The following PCNX2 variants were observed in gnomAD, a reference collection of about 807,000 sequenced individuals.
The protein encoded by PCNX2 is pecanex-like protein 2.
A neutral mutation model predicts 223.8 loss-of-function variants in PCNX2; 168 were observed. The ratio of observed to expected loss-of-function variants is 0.75; its 90% CI spans 0.66 to 0.85. The LOEUF (loss-of-function observed/expected upper bound fraction) is 0.85. Ranked by LOEUF, PCNX2 falls within the 40% of genes least tolerant of loss-of-function variation. The pLI, the probability that PCNX2 is intolerant of heterozygous loss-of-function variation, is 0.00. For synonymous variants in PCNX2, 1,006 were observed against 1,052.6 expected, an observed-to-expected ratio of 0.96 and a Z score of 0.86; for missense variants, 2,507 against 2,675.5, an observed-to-expected ratio of 0.94 and a Z score of 1.39.
chr1:232,986,501 G>A lies in PCNX2; in HGVS notation c.5831C>T (p.Ser1944Leu). ...CATGGGCGGCCTTTGGCTTAGCGCT[G>A]AGTGTGCCTGCACGGACTGGCTCCT... ...KGRSQSVQAHSALSQRPPMLS... is the reference protein window; with the variant it reads ...KGRSQSVQAHLALSQRPPMLS... Residue 1944 changes from serine to leucine, a missense_variant, in exon 33 of 34, where the codon TCA becomes TTA. Ser to Leu is a moderately radical substitution (Grantham distance 145, BLOSUM62 -2). Around this residue, in one of 3 missense-constraint regions of PCNX2, gnomAD observed 1,372 missense variants for 1,509.4 expected, o/e 0.91. Transcript: ENST00000258229. 1 of 1,576,696 alleles carries A rather than the reference G, an allele frequency of 6.3e-7. No individual in the cohort carries two copies. Among genetic ancestry groups the A allele is most frequent in the Non-Finnish European group, 8.6e-7 (1 of 1,159,304 alleles).
chr1:233,014,902 T>A (rs1019445363), intron 27 of PCNX2, 125 bp from the exon 28 acceptor site: 1 of 617,156 alleles, frequency 1.6e-6, no homozygotes, highest in South Asian at 2.2e-5. Flanking sequence ...CCCTCTAAGA[T>A]GACCCCACAG....
In PCNX2 at chr1:233,262,968, T is replaced by C; in HGVS notation, c.349A>G (p.Arg117Gly). 1 of 1,613,064 alleles carries C rather than the reference T, an allele frequency of 6.2e-7. No homozygotes were observed. The highest frequency in any genetic ancestry group is 8.5e-7 in the Non-Finnish European group (1 of 1,179,410). Residue 117 changes from arginine to glycine, a missense_variant, in exon 2 of 34, where the codon AGA (arginine) becomes GGA (glycine). Arg to Gly is a moderately radical substitution (Grantham distance 125). Transcript: ENST00000258229. The part of the protein sequence containing the change: ...EAKGEHITNH[R>G]NPSNNRQIHN... ...AATTGAAAATATTACCTTGGATTTC[T>C]GTGATTAGTTATGTGTTCACCTTTG...
intron 21 of PCNX2, among the ~76,000 whole-genome samples, chr1:233,129,916 C>T (rs1469018706): frequency 6.6e-6 from 1 of 152,184 alleles, no homozygotes. Flanking sequence ...GTACTGAGAG[C>T]TTTGTTCTTT....
chr1:233,292,120 A>G, intron 1 of PCNX2: 1 of 807,888 alleles, frequency 1.2e-6, no homozygotes, highest in Non-Finnish European at 1.5e-6. Flanking sequence ...AATAATTAAT[A>G]ATAAAAATAT....
intron 23 of PCNX2, among the ~76,000 whole-genome samples, chr1:233,068,252 A>G (rs1227459767): frequency 2.6e-5 from 4 of 152,202 alleles, no homozygotes; most frequent in African/African-American, 7.2e-5. Flanking sequence ...ATTTCATTCC[A>G]AGGCATTCTC....
At position 233,295,257 on chromosome 1, in the gene PCNX2, G is replaced by C; in HGVS notation, c.153+69C>G. 3 of 1,545,788 alleles carry C rather than the reference G, an allele frequency of 1.9e-6. No individual in the cohort carries two copies. The highest frequency in any genetic ancestry group is 2.6e-6 in the Non-Finnish European group (3 of 1,142,052). ...CGAAAGCCCGTGAGGCTGATGGCAC[G>C]TCTGTGGTTCCTTTCTCCTTCTTCC... On this transcript the variant is annotated intron_variant, in intron 1 of 33. Coordinates refer to ENST00000258229, the MANE Select transcript of PCNX2 (RefSeq NM_014801.4). This position sits in a 1 kb window ranked among gnomAD's most constrained non-coding sequence, Gnocchi z 4.1.
intron 15 of PCNX2, among the ~76,000 whole-genome samples, chr1:233,197,844 G>A (rs997900062): frequency 4.6e-5 from 7 of 151,976 alleles, no homozygotes; most frequent in Non-Finnish European, 7.4e-5. Flanking sequence ...GAAATGTTAC[G>A]TGATTTATAT....
At chr1:233,314,545 A>G in the PCNX2 span, among the ~76,000 whole-genome samples, 1 of 152,206 alleles carries the variant, frequency 6.6e-6, no homozygotes, top group African/African-American at 2.4e-5. Context: ...TTAACAGCTA[A>G]GAGAATATTA....
At chr1:233,129,344 G>C (rs569086933) in intron 21 of PCNX2, among the ~76,000 whole-genome samples, 1 of 152,118 alleles carries the variant, frequency 6.6e-6, no homozygotes, top group African/African-American at 2.4e-5. Context: ...GCCTCCCCAC[G>C]GGGCAGGGCT....
intron 24 of PCNX2, 31 bp from the exon 25 acceptor site, chr1:233,054,514 A>G (rs529468930): frequency 4.5e-6 from 7 of 1,543,634 alleles, no homozygotes; most frequent in Non-Finnish European, 6.3e-6. Flanking sequence ...TGATCAGTGA[A>G]TGCCTACTCC....
Position 233,128,339 on chromosome 1 carries a change from T to G in PCNX2, c.3837+6674A>C, listed in dbSNP as rs192092447. On this transcript the variant is annotated intron_variant, in intron 21 of 33. Transcript: ENST00000258229. ...AAAACAATGTTTTTTTTTTGTTTTG[T>G]TTTGGTTTTTTTTGAGACAGAGTCG... 1.2e-4 allele frequency among the ~76,000 whole-genome samples: 19 copies of G among 152,064 alleles called. No homozygotes were observed. In the East Asian group the frequency reaches 2.3e-3, roughly 19 times the overall value.
Position 233,206,453 on chromosome 1 carries a change from C to T in PCNX2, c.2863+2065G>A, listed in dbSNP as rs910664095. On this transcript the variant is annotated intron_variant, in intron 13 of 33. Transcript: ENST00000258229. ...CAAACTCTGATTTTTTCACTGCAGC[C>T]GACTTAGTGAGGAATATGGGCGCAC... Among the ~76,000 whole-genome samples, 44 of 151,640 alleles carry T rather than the reference C, an allele frequency of 2.9e-4. No individual in the cohort carries two copies. In the East Asian group the frequency reaches 7.0e-3, roughly 24 times the overall value.
intron 21 of PCNX2, among the ~76,000 whole-genome samples, chr1:233,128,324 T>C (rs1008416032): frequency 2.6e-5 from 4 of 151,404 alleles, no homozygotes; most frequent in Non-Finnish European, 5.9e-5. Flanking sequence ...AAAACAATGT[T>C]TTTTTTTTGT....
In PCNX2 at chr1:233,025,146, C is replaced by A; in HGVS notation, c.4605G>T (p.Lys1535Asn). ...AGGTGTTTGGGAAACAGAGCAATAC[C>A]TTGATGTAGTAGCGGATGAGGATCC... ...LRRILIRYYIKSIIYYMVTSP... is the reference protein window; with the variant it reads ...LRRILIRYYINSIIYYMVTSP... The change falls in exon 26 of 34, where the codon AAG (lysine) becomes AAT (asparagine). Residue 1535 changes from lysine (K) to asparagine (N), a missense_variant and splice_region_variant. Physicochemically the swap from Lys to Asn is moderately conservative, Grantham distance 94. Coordinates refer to ENST00000258229, the MANE Select transcript of PCNX2 (RefSeq NM_014801.4). 6.2e-7 allele frequency: 1 copy of A among 1,613,970 alleles called. No homozygotes were observed. The highest frequency in any genetic ancestry group is 8.5e-7 in the Non-Finnish European group (1 of 1,179,870).
In PCNX2 at chr1:233,241,260, T is replaced by C. The variant is rs1472452616; in HGVS notation, c.2223-4280A>G. ...GAGGCAAGGCTGGGAGCATGGGACC[T>C]GACTGCCATCATGTGGCAGCAGTGG... On this transcript the variant is annotated intron_variant, in intron 8 of 33. Coordinates refer to ENST00000258229, the MANE Select transcript of PCNX2 (RefSeq NM_014801.4). 35 of 985,316 alleles carry C rather than the reference T, an allele frequency of 3.6e-5. No individual in the cohort carries two copies. The Admixed American group carries it at 2.2e-3, about 61-fold the overall frequency. 61.0% of individuals were successfully genotyped at this position (985,316 alleles called of 1,614,324 possible). A position where few individuals can be genotyped will look rare whatever the true frequency, so the allele number is the denominator to read the frequency against.
chr1:233,299,514 C>T (rs975678634), upstream of PCNX2, among the ~76,000 whole-genome samples: 2 of 152,118 alleles, frequency 1.3e-5, no homozygotes, highest in African/African-American at 4.8e-5. Flanking sequence ...AGAATATGCA[C>T]CTACCACTCC....
chr1:233,256,097 C>G (rs1411398118), intron 5 of PCNX2, among the ~76,000 whole-genome samples: 7 of 152,200 alleles, frequency 4.6e-5, no homozygotes, highest in Non-Finnish European at 7.3e-5. Context: ...CTAAGCCTAT[C>G]TCTTCCCATA....
At chr1:233,284,486 G>C (rs1661344936) in intron 1 of PCNX2, among the ~76,000 whole-genome samples, 1 of 152,080 alleles carries the variant, frequency 6.6e-6, no homozygotes, top group African/African-American at 2.4e-5. Flanking sequence ...CCTCTGGGAA[G>C]CCTTCCCTAA....
intron 9 of PCNX2, among the ~76,000 whole-genome samples, chr1:233,235,916 A>G (rs1010562833): frequency 2.1e-5 from 3 of 144,254 alleles, no homozygotes; most frequent in Non-Finnish European, 4.5e-5. Context: ...TGTATTGTTG[A>G]GCATCCTTTG....
Sources: allele counts gnomAD v4.1 joint callset (sites outside exome capture counted in the v4.1 genomes callset), GRCh38; gene constraint gnomAD v4.1.1; regional missense constraint gnomAD v4.1.1; non-coding constraint Gnocchi (gnomAD v3.1); transcripts MANE v1.5; gene names NCBI Gene and HGNC (gene_info 2026-07-23, HGNC 2026-07-21).